Variants in MYH11 observed in about 807,000 individuals in gnomAD.
MYH11 encodes myosin heavy chain 11.
MYH11 carries 80 observed loss-of-function variants against 246.6 expected under a neutral mutation model. That is an observed-to-expected ratio of 0.32 (90% confidence interval 0.27 to 0.39). MYH11 has a LOEUF of 0.39. Ranked by LOEUF, MYH11 falls within the 10% of genes least tolerant of loss-of-function variation. The probability of loss-of-function intolerance (pLI) is 1.00; values close to 1 mark genes in which losing one functional copy is unlikely to be tolerated. For synonymous variants in MYH11, 1,071 were observed against 1,015.5 expected (o/e 1.05, Z -1.04); for missense variants, 2,158 against 2,546.8 (o/e 0.85, Z 3.29).
In MYH11 at chr16:15,825,591, C is replaced by T. The variant is rs531747907; in HGVS notation, c.346-2180G>A. Among the ~76,000 whole-genome samples the T allele has an allele frequency of 2.4e-4, 36 of 152,084 alleles. No individual in the cohort carries two copies. The South Asian group carries it at 6.2e-3, about 26-fold the overall frequency. ...ATAGCTGTACAACATTGTGAATGCA[C>T]TTAATGGCACTGTTTTCTTTAAAAT... On this transcript the variant is annotated intron_variant, in intron 2 of 40. Transcript: ENST00000300036.
chr16:15,733,291 C>T (rs1160898315), intron 26 of MYH11, among the ~76,000 whole-genome samples: 4 of 152,142 alleles, frequency 2.6e-5, no homozygotes, highest in African/African-American at 9.7e-5. Flanking sequence ...TGGAGTGCGA[C>T]AGCGCAATCT....
Position 15,714,996 on chromosome 16 carries a change from C to A in MYH11, c.5699G>T (p.Arg1900Leu). 2 of 1,613,986 alleles carry A rather than the reference C, an allele frequency of 1.2e-6. No homozygotes were observed. The highest frequency in any genetic ancestry group is 1.7e-6 in the Non-Finnish European group (2 of 1,180,022). Residue 1900 changes from arginine (R) to leucine (L), a missense_variant, in exon 40 of 41, where the codon CGC becomes CTC. Around this residue, in one of 11 missense-constraint regions of MYH11, gnomAD observed 1,013 missense variants for 993.5 expected, o/e 1.02. Coordinates refer to ENST00000300036, the MANE Select transcript of MYH11 (RefSeq NM_002474.3). ...EEESQRINAN[R>L]RKLQRELDEA... ...ATCCAGCTCCCGCTGCAGCTTCCTG[C>A]GGTTGGCGTTGATGCGCTGGGACTC...
rs192011673 is a variant in MYH11, at chr16:15,788,491, G to C, written c.531-1759C>G. Among the ~76,000 whole-genome samples the C allele has an allele frequency of 2.0e-4, 31 of 151,352 alleles. No individual in the cohort carries two copies. In the East Asian group the frequency reaches 3.9e-3, roughly 19 times the overall value. ...AAGAAATTAATTTTCTCTGCCAAAG[G>C]CCCATTAATAACTTGGCTCATGGCT... is the stretch of plus-strand genomic sequence containing the variant. On this transcript the variant is annotated intron_variant, in intron 4 of 40. Transcript: ENST00000300036.
chr16:15,728,401 G>GAAAC (rs766041993), intron 27 of MYH11, among the ~76,000 whole-genome samples: 5 of 152,182 alleles, frequency 3.3e-5, no homozygotes, highest in African/African-American at 4.8e-5. Flanking sequence ...GAAAGATCTG[G>GAAAC]AAACAGAGGG....
Position 15,731,036 on chromosome 16 carries a change from G to A in MYH11, c.3651+1528C>T, listed in dbSNP as rs530529039. ...AGAAAAATCGCTATGTTGCCCAGGCGATCTGAAAGTCCTGGGCTCAAGCAA... is the reference window on the plus strand; with the variant it reads ...AGAAAAATCGCTATGTTGCCCAGGCAATCTGAAAGTCCTGGGCTCAAGCAA... On this transcript the variant is annotated intron_variant, in intron 27 of 40. Transcript: ENST00000300036. 3.8e-4 allele frequency among the ~76,000 whole-genome samples: 57 copies of A among 151,852 alleles called. 1 individual carries two copies. The South Asian group carries it at 9.4e-3, about 25-fold the overall frequency.
chr16:15,739,492 C>T (rs1317759819), intron 23 of MYH11, among the ~76,000 whole-genome samples: 2 of 152,208 alleles, frequency 1.3e-5, no homozygotes, highest in African/African-American at 2.4e-5. Context: ...ACAGTATAAA[C>T]CCCACAAGGG....
rs1302129458 is a variant in MYH11 at position 15,703,891 on chromosome 16, T to C, written c.*100A>G. On this transcript the variant is annotated 3_prime_UTR_variant, in exon 41 of 41. Coordinates refer to ENST00000300036, the MANE Select transcript of MYH11 (RefSeq NM_002474.3). ...GATTTAGACAATGCTAAGTACAGTC[T>C]GCTGGGTTTTGCTTTGTTCTGGGTT... 5 of 1,477,918 alleles carry C rather than the reference T, an allele frequency of 3.4e-6. No individual in the cohort carries two copies. In the East Asian group the frequency reaches 6.8e-5, roughly 20 times the overall value. The allele number at this position is 1,477,918 out of a possible 1,614,324, so 91.6% of individuals were successfully genotyped here.
intron 10 of MYH11, among the ~76,000 whole-genome samples, chr16:15,761,628 G>A (rs1045284183): frequency 6.6e-6 from 1 of 152,184 alleles, no homozygotes; most frequent in Non-Finnish European, 1.5e-5. Flanking sequence ...GTGTGACCAC[G>A]AGCTGGTCCC....
chr16:15,744,795 C>A (rs933420052), intron 20 of MYH11, among the ~76,000 whole-genome samples: 5 of 152,250 alleles, frequency 3.3e-5, no homozygotes, highest in Admixed American at 6.5e-5. Context: ...GAGCCGCCGC[C>A]CCCGGCAGCA....
chr16:15,822,197 T>C (rs1010330534), intron 3 of MYH11, among the ~76,000 whole-genome samples: 28 of 152,306 alleles, frequency 1.8e-4, no homozygotes, highest in African/African-American at 6.3e-4. Context: ...ACTTCCAGAA[T>C]TGGGCTCCTC....
intron 9 of MYH11, among the ~76,000 whole-genome samples, chr16:15,770,877 T>C (rs1419281303): frequency 1.3e-5 from 2 of 152,108 alleles, no homozygotes; most frequent in Non-Finnish European, 2.9e-5. Context: ...TATGTTGCTG[T>C]CAACAAACTG....
At chr16:15,804,766 G>A (rs984696810) in intron 3 of MYH11, among the ~76,000 whole-genome samples, 2 of 152,074 alleles carry the variant, frequency 1.3e-5, no homozygotes, top group Admixed American at 1.3e-4. Flanking sequence ...TAACATGTGC[G>A]GCCTTTCATG....
intron 2 of MYH11, among the ~76,000 whole-genome samples, chr16:15,835,936 G>C (rs1465889964): frequency 6.6e-6 from 1 of 151,902 alleles, no homozygotes; most frequent in Non-Finnish European, 1.5e-5. Flanking sequence ...TTTTTGCAGA[G>C]ATGGGGTCTC....
Position 15,819,855 on chromosome 16 carries a change from C to T in MYH11, c.502+3400G>A, listed in dbSNP as rs575684774. 2.0e-5 allele frequency among the ~76,000 whole-genome samples: 3 copies of T among 152,294 alleles called. No homozygotes were observed. The South Asian group carries it at 6.2e-4, about 32-fold the overall frequency. On this transcript the variant is annotated intron_variant, in intron 3 of 40. Transcript: ENST00000300036. ...TAGGAAAGCAAAAGTCCCCACAACA[C>T]AAAAGTATTCTTCAATGACTACAAG...
chr16:15,847,616 A>C (rs575520354), intron 1 of MYH11, among the ~76,000 whole-genome samples: 1 of 152,280 alleles, frequency 6.6e-6, no homozygotes, highest in Admixed American at 6.5e-5. Flanking sequence ...AAAAATAGCA[A>C]AAGCTACAAC....
chr16:15,774,033 T>C (rs1212611268), intron 8 of MYH11, among the ~76,000 whole-genome samples: 1 of 152,214 alleles, frequency 6.6e-6, no homozygotes, highest in African/African-American at 2.4e-5. Context: ...GTTATACTTT[T>C]GGAGAGACGT....
At chr16:15,825,670 G>T (rs2043543369) in intron 2 of MYH11, among the ~76,000 whole-genome samples, 1 of 152,104 alleles carries the variant, frequency 6.6e-6, no homozygotes, top group Non-Finnish European at 1.5e-5. Context: ...AAAAATAGCA[G>T]TCCTCTCCTA....
chr16:15,822,804 A>G (rs1735041049), intron 3 of MYH11, among the ~76,000 whole-genome samples: 1 of 152,224 alleles, frequency 6.6e-6, no homozygotes, highest in African/African-American at 2.4e-5. Context: ...AGCATTAACA[A>G]TCTTCACAAG....
intron 40 of MYH11, among the ~76,000 whole-genome samples, chr16:15,711,836 G>C (rs1010572716): frequency 6.6e-6 from 1 of 152,120 alleles, no homozygotes; most frequent in Non-Finnish European, 1.5e-5. Context: ...GGGATTACAG[G>C]CACGCCCCAC....
Sources: gnomAD v4.1 joint callset for allele counts (sites outside exome capture counted in the v4.1 genomes callset) on GRCh38, gnomAD v4.1.1 for gene constraint, gnomAD v4.1.1 regional missense constraint, MANE v1.5 for transcripts, NCBI Gene and HGNC (gene_info 2026-07-23, HGNC 2026-07-21) for gene names.